The following TNS2 variants were observed in gnomAD, a reference collection of about 807,000 sequenced individuals.
The protein encoded by TNS2 is tensin-2.
A neutral mutation model predicts 155.7 loss-of-function variants in TNS2; 77 were observed. The observed-to-expected ratio is 0.49, with a 90% CI of 0.41 to 0.60. TNS2 has a LOEUF of 0.60. Among genes scored for constraint, TNS2 ranks in the 20% least tolerant of loss-of-function variants. TNS2 has a pLI of 0.00. For synonymous variants in TNS2, 726 were observed against 763.9 expected, an observed-to-expected ratio of 0.95 and a Z score of 0.82; for missense variants, 1,703 against 1,868.8, an observed-to-expected ratio of 0.91 and a Z score of 1.64.
Position 53,051,969 on chromosome 12 carries a change from G to T in TNS2, c.184+6G>T, listed in dbSNP as rs910095898. ...GACAGGCGTTTCGTGCAGAGGTGAG[G>T]CTCTCTGTCCTGTGACTCTGAGACC... On this transcript the variant is annotated splice_donor_region_variant and intron_variant, in intron 2 of 28. Transcript: ENST00000314250. 8 of 1,609,876 alleles carry T rather than the reference G, an allele frequency of 5.0e-6. No homozygotes were observed. The Admixed American group carries it at 6.7e-5, about 13-fold the overall frequency.
At chr12:53,049,896 G>C (rs1943861919), upstream of TNS2, 1 of 577,416 alleles carries the variant, frequency 1.7e-6, no homozygotes, top group Admixed American at 3.5e-5. Flanking sequence ...TGGGGGAGTA[G>C]GGGGAGCAAA....
At chr12:53,052,108 C>A in intron 2 of TNS2, 145 bp downstream of exon 2, 1 of 697,750 alleles carries the variant, frequency 1.4e-6, no homozygotes, top group Non-Finnish European at 2.4e-6. Context: ...AGCTGCCTCC[C>A]CCTTCAGATG....
rs564954312 is a variant in TNS2, at chr12:53,063,276, G to A, written c.3992+19G>A. The A allele has an allele frequency of 9.9e-6, 16 of 1,613,886 alleles. No individual in the cohort carries two copies. The Admixed American group carries it at 1.5e-4, about 15-fold the overall frequency. On this transcript the variant is annotated intron_variant, in intron 26 of 28. Coordinates refer to ENST00000314250, the MANE Select transcript of TNS2 (RefSeq NM_170754.4). This position sits in a 1 kb window ranked among gnomAD's most constrained non-coding sequence, Gnocchi z 5.6. ...AAAGGAAGTATGTATACTCAGCCCT[G>A]TAGAACCCCATGCTTAAGGCCCCTG...
chr12:53,061,641 C>T (rs920683678), intron 21 of TNS2, 172 bp downstream of exon 21: 35 of 1,356,164 alleles, frequency 2.6e-5, no homozygotes, highest in Middle Eastern at 5.1e-4. Context: ...GCGGTGAGAT[C>T]CAACATGGTC....
At chr12:53,053,368 G>C in intron 3 of TNS2, 43 bp from the exon 4 acceptor site, 2 of 1,613,292 alleles carry the variant, frequency 1.2e-6, no homozygotes, top group Non-Finnish European at 1.7e-6. Flanking sequence ...GCCCACGAGA[G>C]CCCTTCACCA....
rs1259189562 is a variant in TNS2 at position 53,062,699 on chromosome 12, TAG to T, written c.3823+6_3823+7del. 7 of 1,613,618 alleles carry T rather than the reference TAG, an allele frequency of 4.3e-6. No individual in the cohort carries two copies. Among genetic ancestry groups the T allele is most frequent in the Non-Finnish European group, 5.9e-6 (7 of 1,179,864 alleles). ...CAGACCTCCTGCGTCAGGGTGCTGG[TAG>T]AGACTTCCCCTCCACTCCCCTCCCT... On this transcript the variant is annotated splice_donor_region_variant and intron_variant, in intron 25 of 28. Coordinates refer to ENST00000314250, the MANE Select transcript of TNS2 (RefSeq NM_170754.4).
At chr12:53,049,991 T>C (rs1943865412), upstream of TNS2, 4 of 1,368,866 alleles carry the variant, frequency 2.9e-6, no homozygotes, top group East Asian at 7.9e-5. Context: ...CTCCACTTCC[T>C]GGAGCAGCGA....
In TNS2 at chr12:53,061,047, G is replaced by T. The variant is rs141466881; in HGVS notation, c.3141G>T (p.Glu1047Asp). Residue 1047 changes from glutamate (E) to aspartate (D), a missense_variant, in exon 20 of 29, where the codon GAG becomes GAT. By Grantham distance (45) the Glu-to-Asp change is conservative (BLOSUM62 2). Coordinates refer to ENST00000314250, the MANE Select transcript of TNS2 (RefSeq NM_170754.4). ...TGCCCTGGCTTGTGGCCAGCCCAGA[G>T]CCGCCTCAGAGCTCACCTACACCTG... is the stretch of plus-strand genomic sequence containing the variant. ...SQMPWLVASPEPPQSSPTPAF... is the reference protein window; with the variant it reads ...SQMPWLVASPDPPQSSPTPAF... 17 of 1,613,644 alleles carry T rather than the reference G, an allele frequency of 1.1e-5. No homozygotes were observed. Among genetic ancestry groups the T allele is most frequent in the Non-Finnish European group, 1.4e-5 (17 of 1,179,922 alleles).
chr12:53,064,023 G>A lies in TNS2; in HGVS notation c.*141G>A, dbSNP rs932624175. On this transcript the variant is annotated 3_prime_UTR_variant, in exon 29 of 29. Coordinates refer to ENST00000314250, the MANE Select transcript of TNS2 (RefSeq NM_170754.4). ...AATGAGGAGTGGGCATCAGGCCTGG[G>A]ACACTGCTCTCCTTCCCCGCCCCCA... 1.5e-5 allele frequency: 14 copies of A among 923,774 alleles called. No homozygotes were observed. Among genetic ancestry groups the A allele is most frequent in the Middle Eastern group, 3.2e-4 (1 of 3,090 alleles). 57.2% of individuals were successfully genotyped at this position (923,774 alleles called of 1,614,324 possible). A position where few individuals can be genotyped will look rare whatever the true frequency, so the allele number is the denominator to read the frequency against.
intron 2 of TNS2, chr12:53,052,195 G>A: frequency 1.6e-6 from 1 of 606,962 alleles, no homozygotes; most frequent in Non-Finnish European, 2.9e-6. Flanking sequence ...ATCCTGACTT[G>A]TGACGGTAGT....
Position 53,061,824 on chromosome 12 carries a change from T to G in TNS2, c.3458T>G (p.Leu1153Arg). The G allele has an allele frequency of 1.9e-6, 3 of 1,612,738 alleles. No homozygotes were observed. Among genetic ancestry groups the G allele is most frequent in the Non-Finnish European group, 2.5e-6 (3 of 1,179,380 alleles). Residue 1153 changes from leucine (L) to arginine (R), a missense_variant, in exon 22 of 29, where the codon CTG (leucine) becomes CGG (arginine). By Grantham distance (102) the Leu-to-Arg change is moderately radical. Coordinates refer to ENST00000314250, the MANE Select transcript of TNS2 (RefSeq NM_170754.4). ...ACCCCTCACCCTGCAGCCATTGCCCTGCTGAAGGACAAGGACCCTGGGGCC... is the reference window on the plus strand; with the variant it reads ...ACCCCTCACCCTGCAGCCATTGCCCGGCTGAAGGACAAGGACCCTGGGGCC... ...PHLSRDQAIA[L>R]LKDKDPGAFL...
chr12:53,055,423 A>G, intron 8 of TNS2, 145 bp from the exon 9 acceptor site: 4 of 1,201,236 alleles, frequency 3.3e-6, no homozygotes, highest in South Asian at 1.5e-5. Context: ...CATTGTATGG[A>G]TAAGGAAAGT....
At position 53,061,261 on chromosome 12, in the gene TNS2, C is replaced by T; in HGVS notation, c.3355C>T (p.Pro1119Ser). The T allele has an allele frequency of 6.4e-7, 1 of 1,573,922 alleles. No homozygotes were observed. ...PLLSDNVPQT[P>S]EPPTQESQSN... ...GCTCTCAGATAATGTCCCCCAAACC[C>T]CAGGTATAAAGGCCTTGAGGGGGTT... The change falls in exon 20 of 29, where the codon CCA (proline) becomes TCA (serine). Residue 1119 changes from proline to serine, a missense_variant. Transcript: ENST00000314250.
At chr12:53,052,076 G>A in intron 2 of TNS2, 113 bp downstream of exon 2, 1 of 910,918 alleles carries the variant, frequency 1.1e-6, no homozygotes, top group Non-Finnish European at 1.7e-6. Flanking sequence ...TCCTGGATTA[G>A]GCACAATGGC....
chr12:53,053,108 T>G (rs1944000030), intron 3 of TNS2: 1 of 421,532 alleles, frequency 2.4e-6, no homozygotes, highest in Non-Finnish European at 4.5e-6. Context: ...AAGAAGCCAG[T>G]GTCCATCCCT....
chr12:53,052,424 C>A (rs531102868), intron 2 of TNS2, 31 bp from the exon 3 acceptor site: 184 of 1,613,866 alleles, frequency 1.1e-4, no homozygotes, highest in South Asian at 5.4e-4. Context: ...CAGGCCCCTG[C>A]TAACCCCTCT....
chr12:53,053,390 C>T lies in TNS2; in HGVS notation c.223-21C>T, dbSNP rs375980482. The T allele has an allele frequency of 3.7e-6, 6 of 1,613,860 alleles. No homozygotes were observed. In the East Asian group the frequency reaches 1.3e-4, roughly 36 times the overall value. ...AGAGCCCTTCACCAGGAGCTCAGTT[C>T]CTTACTCGGTCCCCTTCCAGGTGAC... On this transcript the variant is annotated intron_variant, in intron 3 of 28. Transcript: ENST00000314250.
At position 53,060,927 on chromosome 12, in the gene TNS2, C is replaced by T; in HGVS notation, c.3021C>T (p.Thr1007=). 1 of 1,597,546 alleles carries T rather than the reference C, an allele frequency of 6.3e-7. No individual in the cohort carries two copies. Among genetic ancestry groups the T allele is most frequent in the Non-Finnish European group, 8.5e-7 (1 of 1,172,244 alleles). Residue 1007 remains threonine, a synonymous_variant, in exon 20 of 29, where the codon ACC becomes ACT. Transcript: ENST00000314250. This position sits in a 1 kb window ranked among gnomAD's most constrained non-coding sequence, Gnocchi z 6.1. ...CCAGTCCTCGGAGCCCTGTGCCCAC[C>T]ACACTTCCTGGCCTCCGCCACGCCC... ...DGASPRSPVP[T]TLPGLRHAPW...
chr12:53,049,360 C>G, upstream of TNS2: 1 of 914,296 alleles, frequency 1.1e-6, no homozygotes, highest in East Asian at 2.9e-5. Flanking sequence ...ATGTCTGAAA[C>G]AAAGCCAGGG....
Sources: gnomAD v4.1 joint callset for allele counts on GRCh38, gnomAD v4.1.1 for gene constraint, Gnocchi (gnomAD v3.1) non-coding constraint, MANE v1.5 for transcripts, NCBI Gene and HGNC (gene_info 2026-07-23, HGNC 2026-07-21) for gene names.